Variants in CLCN6 observed in about 807,000 individuals in gnomAD.
CLCN6 encodes the protein H(+)/Cl(-) exchange transporter 6.
Under a neutral mutation model 109.8 loss-of-function variants are expected in CLCN6, and 70 were observed. The observed-to-expected ratio is 0.64, with a 90% CI of 0.53 to 0.78. The LOEUF (loss-of-function observed/expected upper bound fraction) is 0.78. Ranked by LOEUF, CLCN6 falls within the 30% of genes least tolerant of loss-of-function variation. The pLI is 0.00. For missense variants in CLCN6, 984 were observed against 1,142.3 expected, an observed-to-expected ratio of 0.86 and a Z score of 2.00; for synonymous variants, 444 against 447.8, an observed-to-expected ratio of 0.99 and a Z score of 0.11.
At chr1:11,835,455 T>A (rs762529642) in intron 17 of CLCN6, among the ~76,000 whole-genome samples, 20 of 152,134 alleles carry the variant, frequency 1.3e-4, no homozygotes, top group Non-Finnish European at 2.2e-4. Context: ...ACATTTTTTT[T>A]ATAGAAATGG....
At chr1:11,816,149 A>G (rs143242653) in intron 3 of CLCN6, among the ~76,000 whole-genome samples, 132 of 152,300 alleles carry the variant, frequency 8.7e-4, no homozygotes, top group Middle Eastern at 6.8e-3. Flanking sequence ...TTCCAATAGC[A>G]TGCATTTTGT....
chr1:11,809,113 T>C (rs1644563498), intron 2 of CLCN6, among the ~76,000 whole-genome samples: 1 of 152,074 alleles, frequency 6.6e-6, no homozygotes, highest in Non-Finnish European at 1.5e-5. Flanking sequence ...ACTGCTTCGG[T>C]CTCCCAGAGT....
Position 11,816,607 on chromosome 1 carries a change from G to A in CLCN6, c.214-8G>A, listed in dbSNP as rs1644675466. On this transcript the variant is annotated splice_polypyrimidine_tract_variant and splice_region_variant and intron_variant, in intron 3 of 22. Transcript: ENST00000346436. ...GTAAACTGAATCATTCTTTTCCTGT[G>A]TGAACAGAAAGGTCGAAGATATGAG... 2 of 1,611,358 alleles carry A rather than the reference G, an allele frequency of 1.2e-6. No homozygotes were observed. The highest frequency in any genetic ancestry group is 2.7e-5 in the African/African-American group (2 of 74,882).
chr1:11,837,501 T>G lies in CLCN6; in HGVS notation c.2295+2T>G. ...GTTTGTTACTCTGAAAGCCAGTCGG[T>G]AAGTCTCTCCGAGGCAGAAATCAGC... On this transcript the variant is annotated splice_donor_variant, in intron 20 of 22. Transcript: ENST00000346436. LOFTEE classifies it high-confidence loss of function. 6.2e-7 allele frequency: 1 copy of G among 1,612,644 alleles called. No homozygotes were observed. Among genetic ancestry groups the G allele is most frequent in the Non-Finnish European group, 8.5e-7 (1 of 1,178,782 alleles).
At chr1:11,812,531 C>T (rs2100607977) in intron 2 of CLCN6, among the ~76,000 whole-genome samples, 1 of 152,222 alleles carries the variant, frequency 6.6e-6, no homozygotes, top group East Asian at 1.9e-4. Flanking sequence ...GGTGTCCCAC[C>T]CCGCTAATCC....
intron 1 of CLCN6, chr1:11,806,590 A>T (rs545353184): frequency 1.3e-4 from 61 of 461,858 alleles, no homozygotes; most frequent in African/African-American, 1.2e-3. Context: ...AATCCCACCC[A>T]TGTTTCCTTT....
intron 5 of CLCN6, among the ~76,000 whole-genome samples, chr1:11,820,161 C>A (rs748697026): frequency 6.6e-6 from 1 of 152,086 alleles, no homozygotes; most frequent in African/African-American, 2.4e-5. Flanking sequence ...TAATAAAAGA[C>A]GCTGTGTTAT....
Position 11,833,879 on chromosome 1 carries a change from A to G in CLCN6, c.1375A>G (p.Thr459Ala), listed in dbSNP as rs773472768. The G allele has an allele frequency of 6.8e-6, 11 of 1,608,728 alleles. No homozygotes were observed. The Admixed American group carries it at 6.8e-5, about 10-fold the overall frequency. Residue 459 changes from threonine (T) to alanine (A), a missense_variant and splice_region_variant, in exon 15 of 23, where the codon ACT (threonine) becomes GCT (alanine). By Grantham distance (58) the Thr-to-Ala change is moderately conservative. Transcript: ENST00000346436. ...AILQLFHQDG[T>A]FSPVTLALFF... ...TCAGGTTGGCTCTTCCCTTGCAGGTACTTTCAGCCCCGTCACTCTGGCCTT... is the reference window on the plus strand; with the variant it reads ...TCAGGTTGGCTCTTCCCTTGCAGGTGCTTTCAGCCCCGTCACTCTGGCCTT...
Position 11,837,113 on chromosome 1 carries a change from C to T in CLCN6, c.2095C>T (p.Pro699Ser). The change falls in exon 19 of 23, where the codon CCA becomes TCA. Residue 699 changes from proline to serine, a missense_variant. Pro to Ser is a moderately conservative substitution (Grantham distance 74). Transcript: ENST00000346436. ...TGATGAGCACATCGCCTCTGAGGAG[C>T]CAGCCGAGAAGGAGGACCTCCTGCA... ...MCDEHIASEE[P>S]AEKEDLLQQM... The T allele has an allele frequency of 6.2e-7, 1 of 1,613,278 alleles. No homozygotes were observed. The highest frequency in any genetic ancestry group is 8.5e-7 in the Non-Finnish European group (1 of 1,180,012).
At chr1:11,826,296 C>A in intron 9 of CLCN6, 82 bp downstream of exon 9, 2 of 1,168,540 alleles carry the variant, frequency 1.7e-6, no homozygotes, top group Non-Finnish European at 2.6e-6. Flanking sequence ...CTTGCTCTAG[C>A]CTGGCAGTAT....
chr1:11,842,923 A>T lies in CLCN6; in HGVS notation c.*2700A>T, dbSNP rs1645043355. On this transcript the variant is annotated 3_prime_UTR_variant, in exon 23 of 23. Transcript: ENST00000346436. ...CTGCAGTATTGATGTGCAGTATTGC[A>T]CCACAGCTCTGCGGACCTTGGCCAT... 6.6e-6 allele frequency: 1 copy of T among 152,282 alleles called. No homozygotes were observed. 9.4% of individuals were successfully genotyped at this position (152,282 alleles called of 1,614,324 possible).
Position 11,816,638 on chromosome 1 carries a change from G to A in CLCN6, c.237G>A (p.Val79=). The part of the protein sequence containing the change: ...DNKKGRRYEA[V]KWMVVFAIGV... ...AGAAAGGTCGAAGATATGAGGCGGT[G>A]AAGTGGATGGTGGTGTTTGCCATTG... The change falls in exon 4 of 23, where the codon GTG becomes GTA. Residue 79 remains valine, a synonymous_variant. Transcript: ENST00000346436. 6.2e-7 allele frequency: 1 copy of A among 1,613,328 alleles called. No individual in the cohort carries two copies.
At chr1:11,836,911 C>A in intron 18 of CLCN6, 88 bp from the exon 19 acceptor site, 2 of 1,495,244 alleles carry the variant, frequency 1.3e-6, no homozygotes, top group Non-Finnish European at 1.8e-6. Context: ...TGCTTCTGAC[C>A]CTCCCTGTCA....
intron 5 of CLCN6, among the ~76,000 whole-genome samples, chr1:11,822,191 A>T (rs1644752801): frequency 1.3e-5 from 2 of 151,988 alleles, no homozygotes; most frequent in South Asian, 4.1e-4. Context: ...TACAGTTGTG[A>T]GGGTATGGGT....
rs528599084 is a variant in CLCN6, at chr1:11,815,542, C to T, written c.148-304C>T. ...TCCAAAGTAGCTGGGACTACAGGTG[C>T]GCGCCACCATGCCTGGCTAATTTTG... On this transcript the variant is annotated intron_variant, in intron 2 of 22. Transcript: ENST00000346436. Among the ~76,000 whole-genome samples the T allele has an allele frequency of 1.1e-3, 160 of 152,266 alleles. 1 individual carries two copies. The highest frequency in any genetic ancestry group is 4.1e-3 in the South Asian group (20 of 4,822).
chr1:11,827,316 T>TGG (rs55749208), intron 10 of CLCN6, 95 bp downstream of exon 10: 35 of 1,219,464 alleles, frequency 2.9e-5, no homozygotes, highest in African/African-American at 6.2e-5. Flanking sequence ...TTGATGAGAC[T>TGG]GGGGGGTCAA....
intron 20 of CLCN6, 28 bp downstream of exon 20, chr1:11,837,527 C>T (rs769572278): frequency 4.4e-6 from 7 of 1,602,898 alleles, no homozygotes; most frequent in Non-Finnish European, 6.0e-6. Context: ...AGAAATCAGC[C>T]AGGCCAGACC....
chr1:11,823,817 G>A lies in CLCN6; in HGVS notation c.564G>A (p.Leu188=). 1 of 1,614,252 alleles carries A rather than the reference G, an allele frequency of 6.2e-7. No individual in the cohort carries two copies. Among genetic ancestry groups the A allele is most frequent in the Non-Finnish European group, 8.5e-7 (1 of 1,180,036 alleles). Residue 188 remains leucine (L), a synonymous_variant, in exon 7 of 23, where the codon CTG becomes CTA. Transcript: ENST00000346436. ...RTLLCKVLGV[L]FSVAGGLFVE... is the part of the protein sequence containing the mutation. ...TGCTCTGCAAGGTCCTTGGAGTGCT[G>A]TTCAGTGTGGCTGGAGGTAAGAAGG... is the stretch of plus-strand genomic sequence containing the variant.
At chr1:11,838,489 T>G (rs757692156) in intron 21 of CLCN6, 46 bp from the exon 22 acceptor site, 10 of 1,607,694 alleles carry the variant, frequency 6.2e-6, no homozygotes, top group Non-Finnish European at 7.7e-6. Context: ...TGCCTCTTCA[T>G]GCCGTTGGCG....
Sources: allele counts gnomAD v4.1 joint callset (sites outside exome capture counted in the v4.1 genomes callset), GRCh38; gene constraint gnomAD v4.1.1; transcripts MANE v1.5; gene names NCBI Gene and HGNC (gene_info 2026-07-23, HGNC 2026-07-21).